The following SCUBE1 variants were observed in gnomAD, a reference collection of about 807,000 sequenced individuals.
SCUBE1 encodes the protein signal peptide, CUB domain and EGF like domain containing 1, also known as signal peptide, CUB and EGF-like domain-containing protein 1.
SCUBE1 carries 59 observed loss-of-function variants against 124.4 expected under a neutral mutation model. That is an observed-to-expected ratio of 0.47 (90% CI 0.38 to 0.59). SCUBE1 has a LOEUF of 0.59. Among genes scored for constraint, SCUBE1 ranks in the 20% least tolerant of loss-of-function variants. The pLI is 0.00. For synonymous variants in SCUBE1, 545 were observed against 550.9 expected (o/e 0.99, Z 0.15); for missense variants, 1,150 against 1,371.2 (o/e 0.84, Z 2.55).
chr22:43,328,308 C>T (rs1211029463), intron 2 of SCUBE1, among the ~76,000 whole-genome samples: 2 of 152,160 alleles, frequency 1.3e-5, no homozygotes, highest in African/African-American at 2.4e-5. Context: ...CACAGGGAAC[C>T]TGCCAGGCTT....
chr22:43,223,066 A>G, intron 11 of SCUBE1, 31 bp downstream of exon 11: 7 of 1,506,694 alleles, frequency 4.6e-6, no homozygotes, highest in Non-Finnish European at 6.2e-6. Context: ...CCCCTGCCAC[A>G]GCATCCCATC....
At chr22:43,237,896 C>T (rs1922833198) in intron 7 of SCUBE1, 1 of 152,306 alleles carries the variant, frequency 6.6e-6, no homozygotes, top group South Asian at 2.1e-4. Context: ...GGAGGGTGGT[C>T]TGGAGTGATG....
At chr22:43,319,425 T>A (rs886812319) in intron 3 of SCUBE1, among the ~76,000 whole-genome samples, 1 of 151,432 alleles carries the variant, frequency 6.6e-6, no homozygotes, top group Non-Finnish European at 1.5e-5. Flanking sequence ...ATTAGCCAGG[T>A]GTGGTGGCAC....
Position 43,343,254 on chromosome 22 carries a change from G to A in SCUBE1, c.8C>T (p.Ala3Val), listed in dbSNP as rs953711559. The A allele has an allele frequency of 1.4e-5, 16 of 1,177,406 alleles. No individual in the cohort carries two copies. The highest frequency in any genetic ancestry group is 1.6e-5 in the African/African-American group (1 of 61,222). 72.9% of individuals were successfully genotyped at this position (1,177,406 alleles called of 1,614,324 possible). The change falls in exon 1 of 22, where the codon GCG (alanine) becomes GTG (valine). Residue 3 changes from alanine (A) to valine (V), a missense_variant. By Grantham distance (64) the Ala-to-Val change is moderately conservative (BLOSUM62 0). Coordinates refer to ENST00000360835, the MANE Select transcript of SCUBE1 (RefSeq NM_173050.5). Reference protein sequence around the residue: MGAAAVRWHLCVL... With the variant: MGVAAVRWHLCVL... ...GCACAAGTGCCAGCGCACGGCCGCC[G>A]CGCCCATGCTCAATGCGGGCCCCGC...
intron 9 of SCUBE1, among the ~76,000 whole-genome samples, chr22:43,228,550 C>T (rs555303033): frequency 6.6e-6 from 1 of 152,340 alleles, no homozygotes; most frequent in East Asian, 1.9e-4. Context: ...ATGGCGCCCC[C>T]TATCCGCATC....
At chr22:43,217,117 CCAT>C (rs143853088) in intron 15 of SCUBE1, among the ~76,000 whole-genome samples, 6 of 88,008 alleles carry the variant, frequency 6.8e-5, no homozygotes, top group African/African-American at 2.4e-4. Flanking sequence ...CCCCCACCCC[CCAT>C]CCGCCAGGTG....
At chr22:43,308,623 C>T (rs1199889183) in intron 3 of SCUBE1, among the ~76,000 whole-genome samples, 3 of 152,246 alleles carry the variant, frequency 2.0e-5, no homozygotes, top group Non-Finnish European at 2.9e-5. Flanking sequence ...GCCGCGATGG[C>T]GCAGGCCCTT....
chr22:43,205,581 CCACACCACACACCCA>C (rs1230592988), intron 21 of SCUBE1, among the ~76,000 whole-genome samples: 1 of 151,060 alleles, frequency 6.6e-6, no homozygotes, highest in Non-Finnish European at 1.5e-5. Context: ...CCACCACACC[CCACACCACACACCCA>C]CTCACCACAC....
chr22:43,333,584 C>T (rs1416906715), intron 2 of SCUBE1, among the ~76,000 whole-genome samples: 1 of 152,168 alleles, frequency 6.6e-6, no homozygotes, highest in Non-Finnish European at 1.5e-5. Flanking sequence ...TCACATCGGG[C>T]TTCCCACAAT....
At chr22:43,250,102 C>T (rs1330219553) in intron 6 of SCUBE1, among the ~76,000 whole-genome samples, 2 of 152,258 alleles carry the variant, frequency 1.3e-5, no homozygotes, top group African/African-American at 2.4e-5. Context: ...CACCATTTTA[C>T]AGCTGAGGAA....
intron 3 of SCUBE1, among the ~76,000 whole-genome samples, chr22:43,310,051 C>T (rs1326913553): frequency 2.6e-5 from 4 of 152,132 alleles, no homozygotes; most frequent in Non-Finnish European, 5.9e-5. Flanking sequence ...AAATAGCCCA[C>T]GGCTTCCCAG....
intron 4 of SCUBE1, among the ~76,000 whole-genome samples, chr22:43,276,281 G>A (rs986862602): frequency 6.6e-6 from 1 of 152,232 alleles, no homozygotes; most frequent in Non-Finnish European, 1.5e-5. Context: ...AAGCTTAGGG[G>A]AGAGCTAGGA....
intron 2 of SCUBE1, among the ~76,000 whole-genome samples, chr22:43,335,262 G>A (rs1166762557): frequency 6.6e-6 from 1 of 152,206 alleles, no homozygotes; most frequent in Admixed American, 6.5e-5. Flanking sequence ...AGCCAGCAGG[G>A]ATCTGATGGT....
intron 4 of SCUBE1, among the ~76,000 whole-genome samples, chr22:43,286,680 C>T (rs866631430): frequency 1.3e-5 from 2 of 152,218 alleles, no homozygotes. Context: ...ACTCTTAGGA[C>T]CCCTACTTAG....
At chr22:43,267,922 C>T (rs1187639379) in intron 4 of SCUBE1, among the ~76,000 whole-genome samples, 1 of 152,206 alleles carries the variant, frequency 6.6e-6, no homozygotes, top group Non-Finnish European at 1.5e-5. Flanking sequence ...AAAGGTGAAC[C>T]CTGAGGCACG....
At chr22:43,252,314 T>G (rs1294843349) in intron 6 of SCUBE1, among the ~76,000 whole-genome samples, 1 of 152,242 alleles carries the variant, frequency 6.6e-6, no homozygotes, top group Non-Finnish European at 1.5e-5. Context: ...GGCTCTGTCC[T>G]GCCCAGCTGT....
chr22:43,319,892 C>CA (rs1569029293), intron 3 of SCUBE1, 45 bp downstream of exon 3: 49 of 1,602,174 alleles, frequency 3.1e-5, no homozygotes, highest in Non-Finnish European at 4.2e-5. Context: ...AGCAAAGCAA[C>CA]AGGCAGGGTG....
intron 4 of SCUBE1, among the ~76,000 whole-genome samples, chr22:43,289,884 AG>A (rs892592391): frequency 1.9e-4 from 28 of 146,894 alleles, no homozygotes; most frequent in African/African-American, 6.3e-4. Context: ...TCTCAGCGTG[AG>A]CCCCTCTCTG....
At position 43,231,804 on chromosome 22, in the gene SCUBE1, A is replaced by G; in HGVS notation, c.916T>C (p.Cys306Arg). ...AGCTTGTAGCCCTTCCGGCAGCCGCACTCGAAGCTGCCCACGGTGTTGCGG... is the reference window on the plus strand; with the variant it reads ...AGCTTGTAGCCCTTCCGGCAGCCGCGCTCGAAGCTGCCCACGGTGTTGCGG... ...FCRNTVGSFE[C>R]GCRKGYKLLT... The change falls in exon 8 of 22, where the codon TGC becomes CGC. Residue 306 changes from cysteine (C) to arginine (R), a missense_variant. By Grantham distance (180) the Cys-to-Arg change is radical (BLOSUM62 -3). This residue lies in a region of SCUBE1 where 337 missense variants were observed against 482.1 expected (regional missense o/e 0.70). Transcript: ENST00000360835. 2 of 1,612,556 alleles carry G rather than the reference A, an allele frequency of 1.2e-6. No individual in the cohort carries two copies. Among genetic ancestry groups the G allele is most frequent in the Non-Finnish European group, 1.7e-6 (2 of 1,179,556 alleles).
Sources: gnomAD v4.1 joint callset for allele counts (sites outside exome capture counted in the v4.1 genomes callset) on GRCh38, gnomAD v4.1.1 for gene constraint, gnomAD v4.1.1 regional missense constraint, MANE v1.5 for transcripts, NCBI Gene and HGNC (gene_info 2026-07-23, HGNC 2026-07-21) for gene names.